Variants in CADM2 observed in about 807,000 individuals in gnomAD.
CADM2 encodes cell adhesion molecule 2, also known as immunoglobulin superfamily member 4D.
CADM2 carries 12 observed loss-of-function variants against 49.8 expected under a neutral mutation model. The observed-to-expected ratio is 0.24, with a 90% CI of 0.15 to 0.39. The LOEUF (loss-of-function observed/expected upper bound fraction) is 0.39, where lower values mean the gene tolerates loss of function less well. CADM2 is among the 10% of genes least tolerant of loss of function. The pLI is 1.00. For missense variants in CADM2, 378 were observed against 492.3 expected (o/e 0.77, Z 2.20); for synonymous variants, 214 against 175.4 (o/e 1.22, Z -1.74).
intron 1 of CADM2, among the ~76,000 whole-genome samples, chr3:85,674,181 T>C (rs1320261383): frequency 2.0e-5 from 3 of 152,184 alleles, no homozygotes; most frequent in East Asian, 3.9e-4. Flanking sequence ...CACAGAACTG[T>C]ATTAAATACA....
chr3:86,005,603 G>T (rs1730689603), intron 8 of CADM2, among the ~76,000 whole-genome samples: 1 of 151,908 alleles, frequency 6.6e-6, no homozygotes, highest in Non-Finnish European at 1.5e-5. Context: ...TATTTATGTG[G>T]TGTATGAGAT....
intron 6 of CADM2, among the ~76,000 whole-genome samples, chr3:85,927,856 A>G (rs1380059078): frequency 1.3e-5 from 2 of 152,168 alleles, no homozygotes; most frequent in East Asian, 3.9e-4. Flanking sequence ...TTTTCCTGAT[A>G]AAACATTTAA....
chr3:85,397,244 G>T (rs1171439138), intron 1 of CADM2, among the ~76,000 whole-genome samples: 2 of 152,042 alleles, frequency 1.3e-5, no homozygotes, highest in Non-Finnish European at 2.9e-5. Flanking sequence ...TTATATAAAA[G>T]GAAATAGAAA....
At chr3:86,062,001 A>G (rs987004371) in intron 8 of CADM2, among the ~76,000 whole-genome samples, 1 of 151,512 alleles carries the variant, frequency 6.6e-6, no homozygotes, top group Non-Finnish European at 1.5e-5. Context: ...GGGGGGTTGA[A>G]TTTGTACAAT....
chr3:85,920,094 A>T (rs1718902929), intron 6 of CADM2, among the ~76,000 whole-genome samples: 1 of 151,828 alleles, frequency 6.6e-6, no homozygotes, highest in Admixed American at 6.6e-5. Flanking sequence ...TATGTTAGTT[A>T]TATTCTCTTT....
Position 86,014,406 on chromosome 3 carries a change from G to C in CADM2, c.971-51199G>C, listed in dbSNP as rs181313444. ...TGTAGTACTGCATTTACTCAACGAA[G>C]TGATGGAAAATATTGAAGTTTATCA... On this transcript the variant is annotated intron_variant, in intron 8 of 9. Coordinates refer to ENST00000383699, the MANE Select transcript of CADM2 (RefSeq NM_001167675.2). The C allele has an allele frequency of 6.0e-5, 89 of 1,477,922 alleles. No homozygotes were observed. In the East Asian group the frequency reaches 1.7e-3, roughly 28 times the overall value. 91.6% of individuals were successfully genotyped at this position (1,477,922 alleles called of 1,614,324 possible). A position where few individuals can be genotyped will look rare whatever the true frequency, so the allele number is the denominator to read the frequency against.
intron 1 of CADM2, among the ~76,000 whole-genome samples, chr3:85,589,550 G>T (rs912398345): frequency 6.6e-6 from 1 of 151,910 alleles, no homozygotes; most frequent in Non-Finnish European, 1.5e-5. Flanking sequence ...TCTAACGCAG[G>T]CCTTATACTT....
intron 1 of CADM2, among the ~76,000 whole-genome samples, chr3:85,566,674 T>A (rs1392061971): frequency 6.6e-6 from 1 of 152,178 alleles, no homozygotes; most frequent in Non-Finnish European, 1.5e-5. Flanking sequence ...CTGCTCAGTA[T>A]ATTAGAATCC....
intron 1 of CADM2, among the ~76,000 whole-genome samples, chr3:85,093,403 C>T (rs545119238): frequency 5.3e-5 from 8 of 151,148 alleles, no homozygotes; most frequent in Non-Finnish European, 7.4e-5. Context: ...CCCAGCTACT[C>T]GGGAGGCTGA....
At chr3:85,223,609 AT>A (rs1353538367) in intron 1 of CADM2, among the ~76,000 whole-genome samples, 2 of 151,864 alleles carry the variant, frequency 1.3e-5, no homozygotes, top group Non-Finnish European at 2.9e-5. Flanking sequence ...TTTATTTTTT[AT>A]TTTTTTATTA....
intron 1 of CADM2, among the ~76,000 whole-genome samples, chr3:85,557,367 C>A (rs1267131853): frequency 6.6e-6 from 1 of 151,672 alleles, no homozygotes. Flanking sequence ...ATAAAATAAA[C>A]AACTAACAGT....
chr3:85,267,692 A>G (rs1354482343), intron 1 of CADM2, among the ~76,000 whole-genome samples: 1 of 151,620 alleles, frequency 6.6e-6, no homozygotes, highest in Non-Finnish European at 1.5e-5. Flanking sequence ...GAATGAACTA[A>G]TAATATGCCT....
chr3:86,005,917 T>C (rs1290331141), intron 8 of CADM2, among the ~76,000 whole-genome samples: 1 of 152,078 alleles, frequency 6.6e-6, no homozygotes, highest in Non-Finnish European at 1.5e-5. Flanking sequence ...TCTATCTCCA[T>C]GAGTTCAATT....
At chr3:85,627,926 T>G (rs765343954) in intron 1 of CADM2, among the ~76,000 whole-genome samples, 1 of 152,182 alleles carries the variant, frequency 6.6e-6, no homozygotes, top group African/African-American at 2.4e-5. Flanking sequence ...GTATGACTCT[T>G]ACTGAATTCC....
At chr3:85,999,269 G>T (rs61561051) in intron 8 of CADM2, among the ~76,000 whole-genome samples, 9,906 of 140,802 alleles carry the variant, frequency 0.07, 966 homozygotes, top group African/African-American at 0.2. Flanking sequence ...GAGGCCGAGG[G>T]TTGGGGGGTG....
At chr3:85,406,834 G>A (rs945376225) in intron 1 of CADM2, among the ~76,000 whole-genome samples, 2 of 151,800 alleles carry the variant, frequency 1.3e-5, no homozygotes, top group Non-Finnish European at 2.9e-5. Context: ...TCATACCACA[G>A]TATTTCTATG....
chr3:85,912,560 T>G lies in CADM2; in HGVS notation c.700+17T>G. Reference sequence around the variant, plus strand: ...AAATACACTGTAAGTAAACACTACTTCCCCCTCCTTTATCTCAGCAGCAAA... The same window carrying G: ...AAATACACTGTAAGTAAACACTACTGCCCCCTCCTTTATCTCAGCAGCAAA... On this transcript the variant is annotated intron_variant, in intron 6 of 9. Coordinates refer to ENST00000383699, the MANE Select transcript of CADM2 (RefSeq NM_001167675.2). 1 of 1,602,012 alleles carries G rather than the reference T, an allele frequency of 6.2e-7. No homozygotes were observed. Among genetic ancestry groups the G allele is most frequent in the Non-Finnish European group, 8.5e-7 (1 of 1,172,558 alleles).
chr3:85,912,330 T>G, intron 5 of CADM2, 43 bp from the exon 6 acceptor site: 1 of 1,468,968 alleles, frequency 6.8e-7, no homozygotes, highest in Non-Finnish European at 9.3e-7. Context: ...ATCTGTTTTA[T>G]TTTGAAAGGT....
rs150819250 is a variant in CADM2, at chr3:85,788,103, G to A, written c.89-13944G>A. 4.6e-5 allele frequency among the ~76,000 whole-genome samples: 7 copies of A among 151,930 alleles called. No individual in the cohort carries two copies. The East Asian group carries it at 1.4e-3, about 29-fold the overall frequency. On this transcript the variant is annotated intron_variant, in intron 2 of 9. Transcript: ENST00000383699. ...TTTCCTTAGGCTGTTAGTTCTGGTG[G>A]GCAAGAATCATTTCTAGCTGTTCAC...
Sources: gnomAD v4.1 joint callset for allele counts (sites outside exome capture counted in the v4.1 genomes callset) on GRCh38, gnomAD v4.1.1 for gene constraint, MANE v1.5 for transcripts, NCBI Gene and HGNC (gene_info 2026-07-23, HGNC 2026-07-21) for gene names.